Variants in OLFML2A observed in about 807,000 individuals in gnomAD.
The protein encoded by OLFML2A is olfactomedin-like protein 2A.
Under a neutral mutation model 60.9 loss-of-function variants are expected in OLFML2A, and 47 were observed. The ratio of observed to expected loss-of-function variants is 0.77; its 90% confidence interval spans 0.61 to 0.98. The LOEUF is 0.98. Ranked by LOEUF, OLFML2A falls within the 50% of genes least tolerant of loss-of-function variation. OLFML2A has a pLI of 0.00. For missense variants in OLFML2A, 922 were observed against 879.8 expected (o/e 1.05, Z -0.61); for synonymous variants, 372 against 375.0 (o/e 0.99, Z 0.09).
intron 1 of OLFML2A, among the ~76,000 whole-genome samples, chr9:124,781,321 G>C (rs1277708900): frequency 1.3e-5 from 2 of 152,152 alleles, no homozygotes; most frequent in Non-Finnish European, 2.9e-5. Flanking sequence ...TGGGCAGGAG[G>C]GTAGGTGGAC....
intron 6 of OLFML2A, among the ~76,000 whole-genome samples, chr9:124,804,918 G>T (rs1188528358): frequency 2.6e-5 from 4 of 151,912 alleles, no homozygotes; most frequent in Admixed American, 2.0e-4. Flanking sequence ...TACCAGGCTG[G>T]TCTCTAACTC....
intron 6 of OLFML2A, among the ~76,000 whole-genome samples, chr9:124,806,923 A>T (rs558619134): frequency 8.0e-5 from 12 of 150,488 alleles, no homozygotes; most frequent in Non-Finnish European, 1.2e-4. Context: ...TTATTTATTT[A>T]TTTTTTTTGA....
intron 7 of OLFML2A, 24 bp downstream of exon 7, chr9:124,807,990 AG>A: frequency 1.2e-6 from 2 of 1,603,392 alleles, no homozygotes; most frequent in Non-Finnish European, 1.7e-6. Flanking sequence ...GGAGGTGGAG[AG>A]GGGGCTGGGT....
intron 5 of OLFML2A, 48 bp from the exon 6 acceptor site, chr9:124,804,046 G>A (rs868398036): frequency 1.0e-5 from 16 of 1,596,630 alleles, no homozygotes; most frequent in Middle Eastern, 3.3e-4. Context: ...AGACCCACAC[G>A]GCAGCAGGTG....
intron 4 of OLFML2A, among the ~76,000 whole-genome samples, chr9:124,800,480 G>A (rs982186449): frequency 6.6e-6 from 1 of 152,242 alleles, no homozygotes; most frequent in African/African-American, 2.4e-5. Context: ...AGAGGCGGTG[G>A]CGGAGCTGGG....
rs1841493233 is a variant in OLFML2A at position 124,787,238 on chromosome 9, G to C, written c.354G>C (p.Lys118Asn). The C allele has an allele frequency of 2.5e-6, 4 of 1,612,928 alleles. No homozygotes were observed. The highest frequency in any genetic ancestry group is 3.4e-6 in the Non-Finnish European group (4 of 1,179,134). Residue 118 changes from lysine (K) to asparagine (N), a missense_variant and splice_region_variant, in exon 2 of 8, where the codon AAG (lysine) becomes AAC (asparagine). Lys to Asn is a moderately conservative substitution (Grantham distance 94). Coordinates refer to ENST00000373580, the MANE Select transcript of OLFML2A (RefSeq NM_182487.4). ...KLKKQAPELLKLQSMVDLLEG... is the reference protein window; with the variant it reads ...KLKKQAPELLNLQSMVDLLEG... ...AAAAGCAGGCGCCCGAGCTCCTCAAGGTAGACTTGGTGGGGTGATGGAGGG... is the reference window on the plus strand; with the variant it reads ...AAAAGCAGGCGCCCGAGCTCCTCAACGTAGACTTGGTGGGGTGATGGAGGG...
rs1265327289 is a variant in OLFML2A, at chr9:124,812,984, C to T, written c.*2572C>T. The T allele has an allele frequency of 6.6e-6, 1 of 152,018 alleles. No individual in the cohort carries two copies. Among genetic ancestry groups the T allele is most frequent in the African/African-American group, 2.4e-5 (1 of 41,352 alleles). 9.4% of individuals were successfully genotyped at this position (152,018 alleles called of 1,614,324 possible). A position where few individuals can be genotyped will look rare whatever the true frequency, so the allele number is the denominator to read the frequency against. On this transcript the variant is annotated 3_prime_UTR_variant, in exon 8 of 8. Coordinates refer to ENST00000373580, the MANE Select transcript of OLFML2A (RefSeq NM_182487.4). Reference sequence around the variant, plus strand: ...TTCTTTTTTTTGAGACAGAGTTTCGCTTTTGTTGCCCGGGCTGGAATGCAA... The same window carrying T: ...TTCTTTTTTTTGAGACAGAGTTTCGTTTTTGTTGCCCGGGCTGGAATGCAA...
rs781352223 is a variant in OLFML2A, at chr9:124,809,793, C to T, written c.1355-15C>T. On this transcript the variant is annotated splice_polypyrimidine_tract_variant and intron_variant, in intron 7 of 7. Transcript: ENST00000373580. ...TGCTCGGGAGGTCTGGGGTGACCAT[C>T]GCCCTCGCCTGCAGGCCGCTGGAGT... 12 of 1,577,976 alleles carry T rather than the reference C, an allele frequency of 7.6e-6. No individual in the cohort carries two copies. The highest frequency in any genetic ancestry group is 3.6e-5 in the South Asian group (3 of 84,040).
Position 124,804,358 on chromosome 9 carries a change from A to G in OLFML2A, c.1168+16A>G, listed in dbSNP as rs1841848058. 1 of 1,531,926 alleles carries G rather than the reference A, an allele frequency of 6.5e-7. No homozygotes were observed. The highest frequency in any genetic ancestry group is 8.8e-7 in the Non-Finnish European group (1 of 1,138,584). The allele number at this position is 1,531,926 out of a possible 1,614,324, so 94.9% of individuals were successfully genotyped here. A position where few individuals can be genotyped will look rare whatever the true frequency, so the allele number is the denominator to read the frequency against. ...TCCAGCCAAGGTGAGTGAGCCTCAC[A>G]GGAGTCAGCACACTGTAGCCTGTGC... On this transcript the variant is annotated intron_variant, in intron 6 of 7. Coordinates refer to ENST00000373580, the MANE Select transcript of OLFML2A (RefSeq NM_182487.4).
rs1435883245 is a variant in OLFML2A at position 124,803,762 on chromosome 9, C to T, written c.920-332C>T. The stretch of plus-strand genomic sequence containing the variant: ...TCTCCTTTTTGGTACCTCGTATTTG[C>T]TGGGATCTGTGCAAATGTTTATGTA... On this transcript the variant is annotated intron_variant, in intron 5 of 7. Transcript: ENST00000373580. Among the ~76,000 whole-genome samples the T allele has an allele frequency of 2.0e-5, 3 of 152,198 alleles. No individual in the cohort carries two copies. In the East Asian group the frequency reaches 5.8e-4, roughly 29 times the overall value.
chr9:124,804,832 C>T (rs564674864), intron 6 of OLFML2A, among the ~76,000 whole-genome samples: 3 of 152,070 alleles, frequency 2.0e-5, no homozygotes, highest in Non-Finnish European at 4.4e-5. Context: ...CCTCAGCCTC[C>T]CGAGTGGCTG....
At chr9:124,787,946 A>G (rs1465576939) in intron 2 of OLFML2A, among the ~76,000 whole-genome samples, 1 of 152,142 alleles carries the variant, frequency 6.6e-6, no homozygotes, top group Non-Finnish European at 1.5e-5. Context: ...GAACTTAGGT[A>G]ACTTGCCCAA....
intron 2 of OLFML2A, among the ~76,000 whole-genome samples, chr9:124,790,852 G>A (rs550019290): frequency 6.6e-6 from 1 of 152,290 alleles, no homozygotes; most frequent in Non-Finnish European, 1.5e-5. Flanking sequence ...CCCACAGGAT[G>A]GGGCTGGGGC....
chr9:124,806,645 G>T (rs1281426455), intron 6 of OLFML2A, among the ~76,000 whole-genome samples: 3 of 150,816 alleles, frequency 2.0e-5, no homozygotes, highest in Non-Finnish European at 4.4e-5. Flanking sequence ...TTTTTGAGAT[G>T]GAGTCTCACT....
At chr9:124,784,199 T>C (rs1457852420) in intron 1 of OLFML2A, among the ~76,000 whole-genome samples, 4 of 151,806 alleles carry the variant, frequency 2.6e-5, no homozygotes, top group Non-Finnish European at 5.9e-5. Flanking sequence ...TTTTCTTTTT[T>C]TTTTTTTCTT....
At chr9:124,796,042 G>A (rs1024179791) in intron 3 of OLFML2A, among the ~76,000 whole-genome samples, 7 of 152,320 alleles carry the variant, frequency 4.6e-5, no homozygotes, top group Admixed American at 2.0e-4. Flanking sequence ...TCCTGCATCC[G>A]GCCTCTGTTG....
In OLFML2A at chr9:124,810,265, G is replaced by T; in HGVS notation, c.1812G>T (p.Thr604=). 6.2e-7 allele frequency: 1 copy of T among 1,611,524 alleles called. No individual in the cohort carries two copies. ...GCCAGGTCGCCTACGCTTTCGACAC[G>T]CACACGGGCACCGACGCACGCCCCC... ...QEGQVAYAFD[T]HTGTDARPQL... Residue 604 remains threonine, a synonymous_variant, in exon 8 of 8, where the codon ACG becomes ACT. Coordinates refer to ENST00000373580, the MANE Select transcript of OLFML2A (RefSeq NM_182487.4).
Position 124,810,292 on chromosome 9 carries a change from G to T in OLFML2A, c.1839G>T (p.Gln613His). 6.2e-7 allele frequency: 1 copy of T among 1,609,682 alleles called. No homozygotes were observed. The highest frequency in any genetic ancestry group is 1.1e-5 in the South Asian group (1 of 91,084). ...DTHTGTDARP[Q>H]LPFLNEHAYT... Reference sequence around the variant, plus strand: ...ACACGGGCACCGACGCACGCCCCCAGCTGCCGTTCCTCAACGAGCACGCCT... The same window carrying T: ...ACACGGGCACCGACGCACGCCCCCATCTGCCGTTCCTCAACGAGCACGCCT... Residue 613 changes from glutamine (Q) to histidine (H), a missense_variant, in exon 8 of 8, where the codon CAG becomes CAT. By Grantham distance (24) the Gln-to-His change is conservative. Coordinates refer to ENST00000373580, the MANE Select transcript of OLFML2A (RefSeq NM_182487.4).
rs1220156594 is a variant in OLFML2A at position 124,804,195 on chromosome 9, G to A, written c.1021G>A (p.Glu341Lys). 5 of 1,614,160 alleles carry A rather than the reference G, an allele frequency of 3.1e-6. No homozygotes were observed. Among genetic ancestry groups the A allele is most frequent in the Non-Finnish European group, 4.2e-6 (5 of 1,180,016 alleles). Residue 341 changes from glutamate (E) to lysine (K), a missense_variant, in exon 6 of 8, where the codon GAG (glutamate) becomes AAG (lysine). Glu to Lys is a moderately conservative substitution (Grantham distance 56). Transcript: ENST00000373580. ...CAACTCCGCAGAGCAGGATGAGGCT[G>A]AGCCCAGGTCCTCCGAGCGAGTGGA... The part of the protein sequence containing the change: ...EPNSAEQDEA[E>K]PRSSERVDLA...
Sources: allele counts gnomAD v4.1 joint callset (sites outside exome capture counted in the v4.1 genomes callset), GRCh38; gene constraint gnomAD v4.1.1; transcripts MANE v1.5; gene names NCBI Gene and HGNC (gene_info 2026-07-23, HGNC 2026-07-21).